The following MGMT variants were observed in gnomAD, a reference collection of about 807,000 sequenced individuals.
MGMT encodes methylated-DNA--protein-cysteine methyltransferase.
MGMT carries 14 observed loss-of-function variants against 15.9 expected under a neutral mutation model. That is an observed-to-expected ratio of 0.88 (90% confidence interval 0.58 to 1.37). MGMT has a LOEUF of 1.37. MGMT is among the 40% of genes most tolerant of loss of function. The pLI, the probability that MGMT is intolerant of heterozygous loss-of-function variation, is 0.00. For missense variants in MGMT, 282 were observed against 268.1 expected (o/e 1.05, Z -0.36); for synonymous variants, 130 against 118.2 (o/e 1.10, Z -0.65).
chr10:129,562,884 G>A (rs907688044), intron 2 of MGMT, among the ~76,000 whole-genome samples: 9 of 152,296 alleles, frequency 5.9e-5, no homozygotes, highest in South Asian at 2.1e-4. Context: ...GATGATCCCC[G>A]ACTTACCGTG....
chr10:129,499,854 CTG>C (rs764619371), intron 1 of MGMT, among the ~76,000 whole-genome samples: 3 of 152,202 alleles, frequency 2.0e-5, no homozygotes, highest in East Asian at 1.9e-4. Flanking sequence ...TGACAAAAGA[CTG>C]TGAAGTAGCT....
intron 2 of MGMT, among the ~76,000 whole-genome samples, chr10:129,614,251 A>G (rs1219922211): frequency 6.6e-6 from 1 of 152,192 alleles, no homozygotes; most frequent in Non-Finnish European, 1.5e-5. Flanking sequence ...CACGTGTCAA[A>G]AGGTCCTTCC....
Position 129,472,487 on chromosome 10 carries a change from C to T in MGMT, c.-13+5191C>T, listed in dbSNP as rs187940237. 1.6e-4 allele frequency among the ~76,000 whole-genome samples: 24 copies of T among 152,216 alleles called. No individual in the cohort carries two copies. The East Asian group carries it at 4.1e-3, about 26-fold the overall frequency. On this transcript the variant is annotated intron_variant, in intron 1 of 4. Coordinates refer to ENST00000651593, the MANE Select transcript of MGMT (RefSeq NM_002412.5). ...TCGAGCCCTCGTTTTCCCCCCAGTC[C>T]AATCCGAATCTGTATTTTGCAGATC...
At chr10:129,720,601 A>AAT (rs1200941683) in intron 3 of MGMT, among the ~76,000 whole-genome samples, 1 of 152,248 alleles carries the variant, frequency 6.6e-6, no homozygotes. Flanking sequence ...GGCAAAGAGC[A>AAT]CACAGCTAAA....
At chr10:129,688,966 GTTTGTT>G (rs1012794665) in intron 2 of MGMT, among the ~76,000 whole-genome samples, 8 of 151,846 alleles carry the variant, frequency 5.3e-5, no homozygotes, top group African/African-American at 1.4e-4. Flanking sequence ...TCTATCTTTT[GTTTGTT>G]TTTGAGACAG....
At chr10:129,491,455 G>A (rs35370482) in intron 1 of MGMT, among the ~76,000 whole-genome samples, 9,047 of 152,138 alleles carry the variant, frequency 0.059, 376 homozygotes, top group Admixed American at 0.077. Flanking sequence ...AGGGTTTGCT[G>A]AACTTCTTGA....
intron 2 of MGMT, among the ~76,000 whole-genome samples, chr10:129,596,999 C>T (rs938856945): frequency 6.6e-6 from 1 of 152,152 alleles, no homozygotes. Flanking sequence ...AAGGTCTCTG[C>T]TGGAGATCTA....
chr10:129,526,535 T>C (rs1845872657), intron 1 of MGMT, among the ~76,000 whole-genome samples: 1 of 152,146 alleles, frequency 6.6e-6, no homozygotes, highest in South Asian at 2.1e-4. Flanking sequence ...TGTTCGTTTT[T>C]ATGTTTTTGA....
In MGMT at chr10:129,738,376, G is replaced by A. The variant is rs554234883; in HGVS notation, c.275-20826G>A. Among the ~76,000 whole-genome samples, 52 of 152,356 alleles carry A rather than the reference G, an allele frequency of 3.4e-4. No homozygotes were observed. In the South Asian group the frequency reaches 3.5e-3, roughly 10 times the overall value. ...GAAAGGGAACTCCCTGACCCCTTGC[G>A]CTTCCGGAGTGAGGCAATGCCTCGC... On this transcript the variant is annotated intron_variant, in intron 3 of 4. Transcript: ENST00000651593.
intron 1 of MGMT, among the ~76,000 whole-genome samples, chr10:129,528,700 C>T (rs987123855): frequency 5.9e-5 from 9 of 152,058 alleles, no homozygotes; most frequent in African/African-American, 2.2e-4. Flanking sequence ...GGTGGAGTAG[C>T]TCACAGTGTT....
intron 3 of MGMT, among the ~76,000 whole-genome samples, chr10:129,751,056 C>G (rs1191254229): frequency 6.6e-6 from 1 of 151,966 alleles, no homozygotes; most frequent in Non-Finnish European, 1.5e-5. Flanking sequence ...TGGAGTAATG[C>G]TGGTCTCATA....
chr10:129,473,574 C>T (rs1762431), intron 1 of MGMT, among the ~76,000 whole-genome samples: 115,595 of 152,152 alleles, frequency 0.76, 47,761 homozygotes, highest in Non-Finnish European at 0.92. Context: ...AGTGCAGGCT[C>T]ATAACCACTT....
At chr10:129,565,385 T>C (rs1380308008) in intron 2 of MGMT, among the ~76,000 whole-genome samples, 1 of 152,152 alleles carries the variant, frequency 6.6e-6, no homozygotes, top group Non-Finnish European at 1.5e-5. Context: ...GCAGTAGATA[T>C]GTTAGAAAAA....
At chr10:129,692,650 G>A (rs1164437209) in intron 2 of MGMT, among the ~76,000 whole-genome samples, 4 of 152,198 alleles carry the variant, frequency 2.6e-5, no homozygotes, top group African/African-American at 9.7e-5. Flanking sequence ...GAGGTCCTGT[G>A]GGTCCGGGTG....
chr10:129,680,748 C>T (rs1275318478), intron 2 of MGMT, among the ~76,000 whole-genome samples: 1 of 152,256 alleles, frequency 6.6e-6, no homozygotes, highest in Non-Finnish European at 1.5e-5. Context: ...CCTGACCCTC[C>T]TTTGCCCCCG....
chr10:129,663,666 T>C (rs1046256281), intron 2 of MGMT, among the ~76,000 whole-genome samples: 1 of 151,998 alleles, frequency 6.6e-6, no homozygotes, highest in African/African-American at 2.4e-5. Flanking sequence ...GATACAGAAG[T>C]TTTTAAAAAG....
At chr10:129,749,776 C>T (rs1304388727) in intron 3 of MGMT, among the ~76,000 whole-genome samples, 2 of 152,164 alleles carry the variant, frequency 1.3e-5, no homozygotes, top group African/African-American at 2.4e-5. Context: ...TCCTTGCCAG[C>T]AGTTTTTGGT....
chr10:129,672,675 C>G (rs1261664131), intron 2 of MGMT, among the ~76,000 whole-genome samples: 1 of 152,096 alleles, frequency 6.6e-6, no homozygotes, highest in East Asian at 1.9e-4. Context: ...CTAGTATTTT[C>G]ATTTTTTTAA....
At chr10:129,753,146 GT>G (rs1848767777) in intron 3 of MGMT, among the ~76,000 whole-genome samples, 1 of 152,136 alleles carries the variant, frequency 6.6e-6, no homozygotes, top group Admixed American at 6.5e-5. Context: ...CACTTCAAAA[GT>G]GCTGTTTTAC....
Sources: allele counts gnomAD v4.1 joint callset (sites outside exome capture counted in the v4.1 genomes callset), GRCh38; gene constraint gnomAD v4.1.1; transcripts MANE v1.5; gene names NCBI Gene and HGNC (gene_info 2026-07-23, HGNC 2026-07-21).